Variants in BBX observed in about 807,000 individuals in gnomAD.
The protein encoded by BBX is HMG box transcription factor BBX.
In BBX, 30 loss-of-function variants were observed where a neutral mutation model predicts 100.2. The ratio of observed to expected loss-of-function variants is 0.30; its 90% CI spans 0.22 to 0.41. The LOEUF (loss-of-function observed/expected upper bound fraction) is 0.41, where lower values mean the gene tolerates loss of function less well. Ranked by LOEUF, BBX falls within the 10% of genes least tolerant of loss-of-function variation. The pLI, the probability that BBX is intolerant of heterozygous loss-of-function variation, is 1.00. For synonymous variants in BBX, 376 were observed against 388.1 expected, an observed-to-expected ratio of 0.97 and a Z score of 0.37; for missense variants, 1,023 against 1,129.8, an observed-to-expected ratio of 0.91 and a Z score of 1.35.
intron 9 of BBX, among the ~76,000 whole-genome samples, chr3:107,750,884 TTTAA>T (rs549757179): frequency 4.1e-4 from 63 of 152,334 alleles, no homozygotes; most frequent in Admixed American, 2.8e-3. Context: ...AAATTCTTGT[TTTAA>T]TTAGTCAAAA....
At chr3:107,692,366 C>A (rs567432410) in intron 3 of BBX, among the ~76,000 whole-genome samples, 6 of 151,266 alleles carry the variant, frequency 4.0e-5, no homozygotes, top group Admixed American at 2.0e-4. Context: ...CCACAACAGT[C>A]CCCGGTGTGT....
intron 6 of BBX, among the ~76,000 whole-genome samples, chr3:107,731,020 C>A (rs182463909): frequency 6.6e-6 from 1 of 152,228 alleles, no homozygotes; most frequent in East Asian, 1.9e-4. Context: ...TTTTGAATAA[C>A]CCCAAATTAC....
intron 2 of BBX, among the ~76,000 whole-genome samples, chr3:107,529,929 T>C (rs2048042935): frequency 6.6e-6 from 1 of 152,000 alleles, no homozygotes; most frequent in Admixed American, 6.6e-5. Context: ...CATCTAAAAG[T>C]ATATATAAAT....
intron 7 of BBX, among the ~76,000 whole-genome samples, chr3:107,742,414 T>C (rs2064188419): frequency 6.6e-6 from 1 of 152,032 alleles, no homozygotes; most frequent in Non-Finnish European, 1.5e-5. Context: ...ACTACATAGC[T>C]TAGTACTCTC....
chr3:107,541,563 A>G (rs1212874767), intron 2 of BBX, among the ~76,000 whole-genome samples: 2 of 152,186 alleles, frequency 1.3e-5, no homozygotes, highest in Non-Finnish European at 2.9e-5. Context: ...TGTGATGGCA[A>G]ATTAAATGTA....
At chr3:107,757,904 A>C (rs922780698) in intron 10 of BBX, among the ~76,000 whole-genome samples, 5 of 152,210 alleles carry the variant, frequency 3.3e-5, no homozygotes, top group African/African-American at 1.2e-4. Flanking sequence ...CTAAAGGGAA[A>C]GTCACCAAGA....
Position 107,633,067 on chromosome 3 carries a change from A to G in BBX, c.-83-12769A>G, listed in dbSNP as rs542045578. On this transcript the variant is annotated intron_variant, in intron 2 of 17. Transcript: ENST00000325805. ...TGGAGATTATTTTTCATATTTGTAC[A>G]GTTAATGAGTATAACTGTAGCTATT... Among the ~76,000 whole-genome samples the G allele has an allele frequency of 3.9e-5, 6 of 152,292 alleles. No homozygotes were observed. In the South Asian group the frequency reaches 1.2e-3, roughly 32 times the overall value.
chr3:107,544,453 T>C (rs1462674692), intron 2 of BBX, among the ~76,000 whole-genome samples: 1 of 152,164 alleles, frequency 6.6e-6, no homozygotes, highest in Non-Finnish European at 1.5e-5. Context: ...GGCAGTTATA[T>C]CCTAGGAAAT....
chr3:107,790,385 C>A (rs563195490), intron 14 of BBX, among the ~76,000 whole-genome samples: 1 of 152,230 alleles, frequency 6.6e-6, no homozygotes, highest in East Asian at 1.9e-4. Context: ...TTCCACCCCC[C>A]CTCGTTTGCC....
intron 10 of BBX, among the ~76,000 whole-genome samples, chr3:107,767,622 A>G (rs2107749517): frequency 6.6e-6 from 1 of 152,350 alleles, no homozygotes; most frequent in East Asian, 1.9e-4. Context: ...AATACAGACG[A>G]TTAATTCCTA....
At chr3:107,664,486 C>G (rs1229944946) in intron 3 of BBX, among the ~76,000 whole-genome samples, 2 of 152,148 alleles carry the variant, frequency 1.3e-5, no homozygotes, top group East Asian at 3.8e-4. Flanking sequence ...TTTAGTTTGC[C>G]TGTAAACATC....
At chr3:107,559,280 A>G (rs2050311644) in intron 2 of BBX, among the ~76,000 whole-genome samples, 1 of 152,234 alleles carries the variant, frequency 6.6e-6, no homozygotes, top group Non-Finnish European at 1.5e-5. Context: ...TGGATCAGAT[A>G]AGTAGGAGGG....
rs529623602 is a variant in BBX, at chr3:107,582,573, C to T, written c.-84+56175C>T. On this transcript the variant is annotated intron_variant, in intron 2 of 17. Coordinates refer to ENST00000325805, the MANE Select transcript of BBX (RefSeq NM_001142568.3). ...TCCCTGTTTTTATAGTTTGCTTGTT[C>T]GTTTTTAATCATAAGTGGAGAACAG... 6.6e-5 allele frequency among the ~76,000 whole-genome samples: 10 copies of T among 152,034 alleles called. No individual in the cohort carries two copies. The South Asian group carries it at 1.0e-3, about 16-fold the overall frequency.
chr3:107,606,343 T>C (rs2054437482), intron 2 of BBX, among the ~76,000 whole-genome samples: 1 of 152,202 alleles, frequency 6.6e-6, no homozygotes, highest in South Asian at 2.1e-4. Context: ...TGGTTTGCAA[T>C]AGCAGATGTT....
chr3:107,726,521 A>G (rs568311023), intron 5 of BBX, among the ~76,000 whole-genome samples: 1 of 152,178 alleles, frequency 6.6e-6, no homozygotes, highest in South Asian at 2.1e-4. Flanking sequence ...AAGAATCTGC[A>G]AGAATAATAT....
intron 5 of BBX, among the ~76,000 whole-genome samples, chr3:107,720,287 GA>G (rs2062435624): frequency 6.6e-6 from 1 of 151,990 alleles, no homozygotes. Context: ...GCCTGAAAGA[GA>G]AGTATATTTG....
chr3:107,692,407 C>T (rs1335005425), intron 3 of BBX, among the ~76,000 whole-genome samples: 1 of 151,096 alleles, frequency 6.6e-6, no homozygotes, highest in Non-Finnish European at 1.5e-5. Flanking sequence ...CATGTGTTCT[C>T]ATTGTTCAAT....
chr3:107,745,107 T>G (rs1265898394), intron 8 of BBX, among the ~76,000 whole-genome samples: 1 of 152,162 alleles, frequency 6.6e-6, no homozygotes, highest in Non-Finnish European at 1.5e-5. Context: ...TTTCTTTTCT[T>G]TTTTTAGTGC....
chr3:107,602,423 T>C (rs1399624406), intron 2 of BBX, among the ~76,000 whole-genome samples: 1 of 152,218 alleles, frequency 6.6e-6, no homozygotes, highest in African/African-American at 2.4e-5. Flanking sequence ...ATTAAGAATA[T>C]TGGTGATTTG....
Sources: allele counts gnomAD v4.1 joint callset (sites outside exome capture counted in the v4.1 genomes callset), GRCh38; gene constraint gnomAD v4.1.1; transcripts MANE v1.5; gene names NCBI Gene and HGNC (gene_info 2026-07-23, HGNC 2026-07-21).